STXBP6: variants seen among roughly 807,000 people sequenced by gnomAD.
STXBP6 encodes the protein syntaxin-binding protein 6.
STXBP6 carries 21 observed loss-of-function variants against 26.9 expected under a neutral mutation model. The ratio of observed to expected loss-of-function variants is 0.78; its 90% CI spans 0.55 to 1.12. STXBP6 has a LOEUF of 1.12. STXBP6 is among the 50% of genes most tolerant of loss of function. STXBP6 has a pLI of 0.00. For synonymous variants in STXBP6, 97 were observed against 92.6 expected (o/e 1.05, Z -0.27); for missense variants, 232 against 257.9 (o/e 0.90, Z 0.69).
intron 1 of STXBP6, among the ~76,000 whole-genome samples, chr14:25,031,938 A>C (rs1021460993): frequency 2.0e-4 from 31 of 152,200 alleles, no homozygotes; most frequent in African/African-American, 7.0e-4. Context: ...CCTGCTTCCA[A>C]CTAAAGGAAG....
At chr14:24,991,139 G>T (rs1467154406) in intron 1 of STXBP6, among the ~76,000 whole-genome samples, 1 of 149,230 alleles carries the variant, frequency 6.7e-6, no homozygotes, top group East Asian at 1.9e-4. Context: ...GAGAGAAGGA[G>T]GAGGAAGAGA....
At chr14:25,032,910 G>C (rs1237859049) in intron 1 of STXBP6, among the ~76,000 whole-genome samples, 1 of 152,156 alleles carries the variant, frequency 6.6e-6, no homozygotes, top group Non-Finnish European at 1.5e-5. Flanking sequence ...ATCTCTATAT[G>C]ATGAAATGCA....
chr14:25,033,158 A>G (rs1430692097), intron 1 of STXBP6, among the ~76,000 whole-genome samples: 1 of 152,220 alleles, frequency 6.6e-6, no homozygotes, highest in Non-Finnish European at 1.5e-5. Flanking sequence ...CGGTCCATGC[A>G]ATGACACCAC....
chr14:24,900,531 G>A (rs2071173226), intron 2 of STXBP6, among the ~76,000 whole-genome samples: 1 of 152,188 alleles, frequency 6.6e-6, no homozygotes, highest in Non-Finnish European at 1.5e-5. Context: ...TATAGATTAA[G>A]GGAGTCAGAT....
chr14:24,934,066 T>C lies in STXBP6; in HGVS notation c.154+40599A>G, dbSNP rs183754171. On this transcript the variant is annotated intron_variant, in intron 2 of 5. Coordinates refer to ENST00000323944, the MANE Select transcript of STXBP6 (RefSeq NM_001394410.1). Reference sequence around the variant, plus strand: ...GCAATGAAAGAGAAGAAGATAGCAATGGAATTCAAAGATGATCCCACAAAA... The same window carrying C: ...GCAATGAAAGAGAAGAAGATAGCAACGGAATTCAAAGATGATCCCACAAAA... Among the ~76,000 whole-genome samples the C allele has an allele frequency of 2.2e-3, 338 of 152,072 alleles. 2 individuals carry two copies. Among genetic ancestry groups the C allele is most frequent in the Non-Finnish European group, 3.5e-3 (236 of 67,968 alleles).
At chr14:25,033,825 C>T (rs909895192) in intron 1 of STXBP6, among the ~76,000 whole-genome samples, 18 of 152,208 alleles carry the variant, frequency 1.2e-4, no homozygotes, top group African/African-American at 4.1e-4. Context: ...TCTGATTTTG[C>T]TCACCATGAA....
chr14:24,971,935 T>C (rs950559908), intron 2 of STXBP6, among the ~76,000 whole-genome samples: 6 of 152,366 alleles, frequency 3.9e-5, no homozygotes, highest in South Asian at 2.1e-4. Flanking sequence ...AAATTCTTAA[T>C]AAATATTTGA....
chr14:24,870,876 A>G (rs542652795), intron 2 of STXBP6, among the ~76,000 whole-genome samples: 1 of 152,270 alleles, frequency 6.6e-6, no homozygotes, highest in Admixed American at 6.5e-5. Context: ...AAAAATACGA[A>G]ACACAACAAG....
chr14:24,862,072 A>G (rs2069558521), intron 2 of STXBP6, among the ~76,000 whole-genome samples: 1 of 152,190 alleles, frequency 6.6e-6, no homozygotes, highest in Non-Finnish European at 1.5e-5. Context: ...GTCATGACTC[A>G]GTGCAGCCTC....
intron 2 of STXBP6, among the ~76,000 whole-genome samples, chr14:24,944,845 T>C (rs1442929605): frequency 6.6e-6 from 1 of 151,362 alleles, no homozygotes; most frequent in Non-Finnish European, 1.5e-5. Context: ...GCATGGGGAG[T>C]TTGTTTGGAG....
At chr14:25,024,058 C>T (rs1456530039) in intron 1 of STXBP6, among the ~76,000 whole-genome samples, 1 of 152,042 alleles carries the variant, frequency 6.6e-6, no homozygotes, top group Non-Finnish European at 1.5e-5. Flanking sequence ...ACCTGTAATC[C>T]CAGCACTTTG....
At position 24,830,691 on chromosome 14, in the gene STXBP6, G is replaced by A. The variant is rs183825065; in HGVS notation, c.452-11497C>T. On this transcript the variant is annotated intron_variant, in intron 4 of 5. Coordinates refer to ENST00000323944, the MANE Select transcript of STXBP6 (RefSeq NM_001394410.1). ...CAGATATTCCTGTAAGAAGCTCTGC[G>A]GAGAAGTCTGGGGATGGAGATAAAA... is the stretch of plus-strand genomic sequence containing the variant. 1.2e-4 allele frequency among the ~76,000 whole-genome samples: 19 copies of A among 152,252 alleles called. 2 individuals are homozygous for A. Among genetic ancestry groups the A allele is most frequent in the Admixed American group, 5.2e-4 (8 of 15,280 alleles).
chr14:24,990,606 C>A (rs908239926), intron 1 of STXBP6, among the ~76,000 whole-genome samples: 1 of 136,922 alleles, frequency 7.3e-6, no homozygotes, highest in Non-Finnish European at 1.5e-5. Flanking sequence ...TGCAGTGAGT[C>A]GAGATCATGC....
chr14:25,016,321 T>C (rs1421830467), intron 1 of STXBP6, among the ~76,000 whole-genome samples: 1 of 152,122 alleles, frequency 6.6e-6, no homozygotes, highest in East Asian at 1.9e-4. Flanking sequence ...AATTAATTTT[T>C]TCTTTAAAAA....
intron 2 of STXBP6, among the ~76,000 whole-genome samples, chr14:24,938,371 C>T (rs1263360750): frequency 6.6e-6 from 1 of 152,124 alleles, no homozygotes; most frequent in African/African-American, 2.4e-5. Flanking sequence ...TTTCTCCCAT[C>T]TCTGACAATT....
chr14:25,000,840 T>G (rs535525228), intron 1 of STXBP6, among the ~76,000 whole-genome samples: 7 of 151,194 alleles, frequency 4.6e-5, no homozygotes, highest in African/African-American at 1.5e-4. Flanking sequence ...GTTTCCCTAC[T>G]CAACCTGTTA....
At chr14:25,015,971 C>T (rs549733035) in intron 1 of STXBP6, among the ~76,000 whole-genome samples, 2 of 152,224 alleles carry the variant, frequency 1.3e-5, no homozygotes, top group Non-Finnish European at 2.9e-5. Context: ...GCTGATCTGC[C>T]ATTGACTAGC....
intron 2 of STXBP6, among the ~76,000 whole-genome samples, chr14:24,933,753 T>C (rs958298563): frequency 1.9e-4 from 29 of 152,172 alleles, no homozygotes; most frequent in Non-Finnish European, 2.9e-5. Flanking sequence ...CCTATAAAAA[T>C]GCTTTATAGA....
chr14:24,873,748 C>G (rs1566432339), intron 2 of STXBP6, among the ~76,000 whole-genome samples: 1 of 152,148 alleles, frequency 6.6e-6, no homozygotes, highest in Non-Finnish European at 1.5e-5. Flanking sequence ...TAAGGAGATT[C>G]ATTTTGCAGA....
Sources: allele counts gnomAD v4.1 joint callset (sites outside exome capture counted in the v4.1 genomes callset), GRCh38; gene constraint gnomAD v4.1.1; transcripts MANE v1.5; gene names NCBI Gene and HGNC (gene_info 2026-07-23, HGNC 2026-07-21).